The following FHDC1 variants were observed in gnomAD, a reference collection of about 807,000 sequenced individuals.
The protein encoded by FHDC1 is FH2 domain-containing protein 1.
FHDC1 carries 25 observed loss-of-function variants against 52.6 expected under a neutral mutation model. The observed-to-expected ratio is 0.48, with a 90% CI of 0.35 to 0.66. The LOEUF (loss-of-function observed/expected upper bound fraction) is 0.66. FHDC1 is among the 30% of genes least tolerant of loss of function. The probability of loss-of-function intolerance (pLI) is 0.01; values close to 1 mark genes in which losing one functional copy is unlikely to be tolerated. For missense variants in FHDC1, 1,459 were observed against 1,452.8 expected (o/e 1.00, Z -0.07); for synonymous variants, 616 against 581.5 (o/e 1.06, Z -0.85).
At chr4:152,940,792 G>T (rs1739553435) in intron 1 of FHDC1, among the ~76,000 whole-genome samples, 1 of 152,204 alleles carries the variant, frequency 6.6e-6, no homozygotes, top group African/African-American at 2.4e-5. Context: ...TTTAAAATAT[G>T]TAAGGATAAA....
At chr4:152,945,671 G>T (rs1739707784) in intron 2 of FHDC1, among the ~76,000 whole-genome samples, 1 of 152,124 alleles carries the variant, frequency 6.6e-6, no homozygotes, top group Non-Finnish European at 1.5e-5. Context: ...TGGCCCGGCT[G>T]GTCTCGAACT....
chr4:152,974,626 AT>A, intron 11 of FHDC1, 48 bp from the exon 12 acceptor site: 1 of 1,496,000 alleles, frequency 6.7e-7, no homozygotes, highest in East Asian at 2.3e-5. Flanking sequence ...GGAACTGCAC[AT>A]TGGTCCCACA....
chr4:152,968,197 C>T lies in FHDC1; in HGVS notation c.1218+100C>T, dbSNP rs866306362. ...GGTGTATTTGTGGAAGCAGCAGTTC[C>T]CATTCATATTTTTTTTCTCCAAGTT... On this transcript the variant is annotated intron_variant, in intron 10 of 11. Transcript: ENST00000511601. The T allele has an allele frequency of 1.9e-5, 15 of 783,546 alleles. No individual in the cohort carries two copies. In the Middle Eastern group the frequency reaches 3.7e-3, roughly 191 times the overall value. The allele number at this position is 783,546 out of a possible 1,614,324, so 48.5% of individuals were successfully genotyped here. A position where few individuals can be genotyped will look rare whatever the true frequency, so the allele number is the denominator to read the frequency against.
At chr4:152,914,740 C>T in the FHDC1 span, among the ~76,000 whole-genome samples, 2 of 152,286 alleles carry the variant, frequency 1.3e-5, no homozygotes, top group African/African-American at 4.8e-5. Flanking sequence ...GCCTTTGGTA[C>T]AGGTGTATAT....
upstream of FHDC1, among the ~76,000 whole-genome samples, chr4:152,933,725 G>A (rs1021999888): frequency 2.0e-5 from 2 of 98,738 alleles, no homozygotes; most frequent in Non-Finnish European, 1.9e-5. Flanking sequence ...GTGAGACCCC[G>A]TCTCAAAAAA....
Position 152,967,982 on chromosome 4 carries a change from T to A in FHDC1, c.1103T>A (p.Leu368Ter). The change falls in exon 10 of 12, where the codon TTA (leucine) becomes TAA (stop). Residue 368 changes from leucine (L) to a stop codon, truncating the protein, a stop_gained and splice_region_variant. Coordinates refer to ENST00000511601, the MANE Select transcript of FHDC1 (RefSeq NM_001371116.1). LOFTEE classifies it high-confidence loss of function. ...KLHHVQKTARLSLENTEAELH... is the reference protein window; with the variant it reads ...KLHHVQKTAR Reference sequence around the variant, plus strand: ...CACTCTCCCCTTTCTTCTTTTAGATTATCTCTGGAGAACACGGAGGCAGAA... The same window carrying A: ...CACTCTCCCCTTTCTTCTTTTAGATAATCTCTGGAGAACACGGAGGCAGAA... 5 of 1,611,628 alleles carry A rather than the reference T, an allele frequency of 3.1e-6. No individual in the cohort carries two copies. Among genetic ancestry groups the A allele is most frequent in the Non-Finnish European group, 4.2e-6 (5 of 1,178,902 alleles).
chr4:152,961,176 G>T (rs1344379475), intron 6 of FHDC1, among the ~76,000 whole-genome samples: 2 of 152,118 alleles, frequency 1.3e-5, no homozygotes, highest in Non-Finnish European at 2.9e-5. Context: ...TGCATGTGTG[G>T]TGTGGGCTGT....
chr4:152,960,728 C>CT lies in FHDC1; in HGVS notation c.750-10dup, dbSNP rs142466283. ...AATGACATCAAATTCTACAGTTTTA[C>CT]TTTTTTATTTTTCAGCTATTCACTT... On this transcript the variant is annotated splice_polypyrimidine_tract_variant and intron_variant, in intron 5 of 11. Transcript: ENST00000511601. 2,648 of 1,609,920 alleles carry CT rather than the reference C, an allele frequency of 1.6e-3. 40 individuals carry two copies. The African/African-American group carries it at 0.031, about 19-fold the overall frequency.
intron 4 of FHDC1, among the ~76,000 whole-genome samples, chr4:152,957,897 A>G (rs370333416): frequency 1.3e-5 from 2 of 151,846 alleles, no homozygotes; most frequent in East Asian, 1.9e-4. Context: ...CTTGTCCAGC[A>G]CGGAGTTCCC....
At chr4:152,949,532 C>T (rs1739860523) in intron 2 of FHDC1, among the ~76,000 whole-genome samples, 1 of 152,084 alleles carries the variant, frequency 6.6e-6, no homozygotes, top group Non-Finnish European at 1.5e-5. Context: ...TTGTATTTTA[C>T]CACAACTGAA....
rs868375107 is a variant in FHDC1 at position 152,976,544 on chromosome 4, A to G, written c.3253A>G (p.Thr1085Ala). Reference sequence around the variant, plus strand: ...GGATGCCGCTCCCAAGGACAGCAGCACTTTGAGGCGAGCCAGCAGTGCCCG... The same window carrying G: ...GGATGCCGCTCCCAAGGACAGCAGCGCTTTGAGGCGAGCCAGCAGTGCCCG... ...PEDAAPKDSS[T>A]LRRASSARAP... Residue 1085 changes from threonine (T) to alanine (A), a missense_variant, in exon 12 of 12, where the codon ACT becomes GCT. Thr to Ala is a moderately conservative substitution (Grantham distance 58). Around this residue, in one of 3 missense-constraint regions of FHDC1, gnomAD observed 939 missense variants for 854.5 expected, o/e 1.10. Transcript: ENST00000511601. 1.2e-6 allele frequency: 2 copies of G among 1,612,938 alleles called. No individual in the cohort carries two copies. The highest frequency in any genetic ancestry group is 1.7e-6 in the Non-Finnish European group (2 of 1,179,792).
At position 152,942,988 on chromosome 4, in the gene FHDC1, T is replaced by A; in HGVS notation, c.-70T>A. 1.3e-6 allele frequency: 2 copies of A among 1,517,216 alleles called. No homozygotes were observed. Among genetic ancestry groups the A allele is most frequent in the South Asian group, 2.6e-5 (2 of 77,778 alleles). The allele number at this position is 1,517,216 out of a possible 1,614,324, so 94.0% of individuals were successfully genotyped here. On this transcript the variant is annotated 5_prime_UTR_variant, in exon 2 of 12. Transcript: ENST00000511601. Reference sequence around the variant, plus strand: ...CAGATAGCAGCAGGTGAAAAAGTGCTACACAAGTTTGATGTTTGTGTCTTC... The same window carrying A: ...CAGATAGCAGCAGGTGAAAAAGTGCAACACAAGTTTGATGTTTGTGTCTTC...
chr4:152,935,221 G>A (rs1446147606), upstream of FHDC1, among the ~76,000 whole-genome samples: 1 of 152,210 alleles, frequency 6.6e-6, no homozygotes, highest in African/African-American at 2.4e-5. Context: ...AGGAGGTCAG[G>A]AATTCTGTCC....
In FHDC1 at chr4:152,976,531, C is replaced by G; in HGVS notation, c.3240C>G (p.Pro1080=). ...RVKGDPEDAA[P]KDSSTLRRAS... ...AAGGGGACCCCGAGGATGCCGCTCC[C>G]AAGGACAGCAGCACTTTGAGGCGAG... Residue 1080 remains proline, a synonymous_variant, in exon 12 of 12, where the codon CCC becomes CCG. Coordinates refer to ENST00000511601, the MANE Select transcript of FHDC1 (RefSeq NM_001371116.1). The G allele has an allele frequency of 2.5e-6, 4 of 1,613,158 alleles. No homozygotes were observed. The highest frequency in any genetic ancestry group is 3.4e-6 in the Non-Finnish European group (4 of 1,179,910).
At position 152,950,176 on chromosome 4, in the gene FHDC1, C is replaced by T. The variant is rs148276552; in HGVS notation, c.499-3323C>T. 4.2e-3 allele frequency among the ~76,000 whole-genome samples: 632 copies of T among 152,280 alleles called. 4 individuals are homozygous for T. The highest frequency in any genetic ancestry group is 6.8e-3 in the Admixed American group (104 of 15,290). Reference sequence around the variant, plus strand: ...TCCACTGCTCTGAATGATTCCAAAACACCACCCAACCCGACCCGACTTTGT... The same window carrying T: ...TCCACTGCTCTGAATGATTCCAAAATACCACCCAACCCGACCCGACTTTGT... On this transcript the variant is annotated intron_variant, in intron 2 of 11. Coordinates refer to ENST00000511601, the MANE Select transcript of FHDC1 (RefSeq NM_001371116.1).
intron 11 of FHDC1, 69 bp from the exon 12 acceptor site, chr4:152,974,606 A>T (rs775721799): frequency 3.0e-5 from 45 of 1,483,614 alleles, no homozygotes; most frequent in Non-Finnish European, 4.0e-5. Flanking sequence ...CTCTTAGCGT[A>T]GGTGGCTCTG....
chr4:152,923,702 G>A, the FHDC1 span, among the ~76,000 whole-genome samples: 2,527 of 151,934 alleles, frequency 0.017, 76 homozygotes, highest in African/African-American at 0.058. Flanking sequence ...AAATAACGCC[G>A]CATATCTACA....
chr4:152,918,718 T>C, the FHDC1 span, among the ~76,000 whole-genome samples: 6 of 152,244 alleles, frequency 3.9e-5, no homozygotes, highest in Non-Finnish European at 7.3e-5. Context: ...AGCATCAGCA[T>C]GTCTTCTGAA....
rs536780914 is a variant in FHDC1, at chr4:152,977,826, G to A, written c.*1103G>A. On this transcript the variant is annotated 3_prime_UTR_variant, in exon 12 of 12. Transcript: ENST00000511601. ...TTCAGAGTTTCACCTGCCCACACAG[G>A]GTCCGTTGCTGGCAACTGGACTTCC... is the stretch of plus-strand genomic sequence containing the variant. The A allele has an allele frequency of 6.6e-6, 1 of 152,188 alleles. No individual in the cohort carries two copies. Among genetic ancestry groups the A allele is most frequent in the South Asian group, 2.1e-4 (1 of 4,820 alleles). 9.4% of individuals were successfully genotyped at this position (152,188 alleles called of 1,614,324 possible).
Sources: allele counts gnomAD v4.1 joint callset (sites outside exome capture counted in the v4.1 genomes callset), GRCh38; gene constraint gnomAD v4.1.1; regional missense constraint gnomAD v4.1.1; transcripts MANE v1.5; gene names NCBI Gene and HGNC (gene_info 2026-07-23, HGNC 2026-07-21).